The following SERPINA7 variants were observed in gnomAD, a reference collection of about 807,000 sequenced individuals.
SERPINA7 encodes serpin family A member 7, also known as thyroxine-binding globulin.
SERPINA7 carries 14 observed loss-of-function variants against 16.0 expected under a neutral mutation model. That is an observed-to-expected ratio of 0.88 (90% CI 0.58 to 1.37). SERPINA7 has a LOEUF of 1.37. Among genes scored for constraint, SERPINA7 ranks in the 40% most tolerant of loss-of-function variants. SERPINA7 has a pLI of 0.00. For missense variants in SERPINA7, 335 were observed against 296.6 expected, an observed-to-expected ratio of 1.13 and a Z score of -0.95; for synonymous variants, 140 against 111.0, an observed-to-expected ratio of 1.26 and a Z score of -1.65.
Position 106,035,270 on chromosome X carries a change from G to T in SERPINA7, c.738C>A (p.His246Gln). The change falls in exon 3 of 5, where the codon CAC becomes CAA. Residue 246 changes from histidine to glutamine, a missense_variant. His to Gln is a conservative substitution (Grantham distance 24, BLOSUM62 0). Transcript: ENST00000372563. ...TGCAGTTCAATTCCATATCCACTAG[G>T]TGATAGTATTGTTCCATCTGGTGCA... ...PMMHQMEQYY[H>Q]LVDMELNCTV... is the part of the protein sequence containing the mutation. 8.3e-7 allele frequency: 1 copy of T among 1,211,049 alleles called. No homozygotes were observed. The highest frequency in any genetic ancestry group is 1.1e-6 in the Non-Finnish European group (1 of 894,932).
rs1257909455 is a variant in SERPINA7 at position 106,033,177 on chromosome X, C to T, written c.*323G>A. ...AGACCTGACCTGCTTTTTAGCTATT[C>T]CCCAGAAGACAGAAAAGGGAAAATT... is the stretch of plus-strand genomic sequence containing the variant. On this transcript the variant is annotated 3_prime_UTR_variant, in exon 5 of 5. Transcript: ENST00000372563. 1.0e-5 allele frequency: 3 copies of T among 294,025 alleles called. No homozygotes were observed. The highest frequency in any genetic ancestry group is 2.0e-3 in the Middle Eastern group (2 of 976). 24.2% of individuals were successfully genotyped at this position (294,025 alleles called of 1,213,427 possible). A position where few individuals can be genotyped will look rare whatever the true frequency, so the allele number is the denominator to read the frequency against.
In SERPINA7 at chrX:106,036,867, C is replaced by G; in HGVS notation, c.192G>C (p.Lys64Asn). 8.3e-7 allele frequency: 1 copy of G among 1,210,863 alleles called. No homozygotes were observed. Among genetic ancestry groups the G allele is most frequent in the Non-Finnish European group, 1.1e-6 (1 of 895,082 alleles). The change falls in exon 2 of 5, where the codon AAG becomes AAC. Residue 64 changes from lysine (K) to asparagine (N), a missense_variant. Coordinates refer to ENST00000372563, the MANE Select transcript of SERPINA7 (RefSeq NM_000354.6). ...YRRFTVETPD[K>N]NIFFSPVSIS... ...TGCTCACAGGGGAAAAGAAGATGTTCTTATCTGGGGTCTCCACAGTGAACC... is the reference window on the plus strand; with the variant it reads ...TGCTCACAGGGGAAAAGAAGATGTTGTTATCTGGGGTCTCCACAGTGAACC...
At chrX:106,037,116 T>C (rs1440702093) in intron 1 of SERPINA7, 41 bp from the exon 2 acceptor site, 8 of 1,089,198 alleles carry the variant, frequency 7.3e-6, no homozygotes, top group Non-Finnish European at 1.0e-5. Context: ...GGGAGCTTAG[T>C]TGGATGAAAC....
rs1168106895 is a variant in SERPINA7, at chrX:106,037,011, A to G, written c.48T>C (p.Ala16=). ...YLVLLVLGLH[A]TIHCASPEGK... ...CTTCAGGTGATGCACAGTGGATTGT[A>G]GCATGAAGCCCAAGTACCAAGAGAA... Residue 16 remains alanine (A), a synonymous_variant, in exon 2 of 5, where the codon GCT becomes GCC. Transcript: ENST00000372563. 3 of 1,209,321 alleles carry G rather than the reference A, an allele frequency of 2.5e-6. No individual in the cohort carries two copies. Among genetic ancestry groups the G allele is most frequent in the African/African-American group, 3.5e-5 (2 of 57,613 alleles).
rs371638176 is a variant in SERPINA7, at chrX:106,034,235, A to G, written c.1044T>C (p.Asn348=). The change falls in exon 4 of 5, where the codon AAT becomes AAC. Residue 348 remains asparagine, a splice_region_variant and synonymous_variant. Coordinates refer to ENST00000372563, the MANE Select transcript of SERPINA7 (RefSeq NM_000354.6). ...LTEDNGLKLS[N]AAHKAVLHIG... is the part of the protein sequence containing the mutation. ...TAAGAACTCTAGTTTATCAACTTAC[A>G]TTGGAAAGTTTCAGACCATTGTCCT... 1.7e-5 allele frequency: 21 copies of G among 1,208,582 alleles called. No individual in the cohort carries two copies. In the Middle Eastern group the frequency reaches 1.1e-3, roughly 66 times the overall value.
intron 1 of SERPINA7, 165 bp from the exon 2 acceptor site, chrX:106,037,240 C>G: frequency 2.2e-6 from 1 of 458,566 alleles, no homozygotes; most frequent in Admixed American, 3.5e-5. Flanking sequence ...CCTTGAAAAA[C>G]AGGAGATGCA....
Position 106,033,588 on chromosome X carries a change from A to G in SERPINA7, c.1160T>C (p.Ile387Thr), listed in dbSNP as rs2147840350. Residue 387 changes from isoleucine to threonine, a missense_variant, in exon 5 of 5, where the codon ATT (isoleucine) becomes ACT (threonine). By Grantham distance (89) the Ile-to-Thr change is moderately conservative. Coordinates refer to ENST00000372563, the MANE Select transcript of SERPINA7 (RefSeq NM_000354.6). ...ENTFLHPIIQ[I>T]DRSFMLLILE... The stretch of plus-strand genomic sequence containing the variant: ...AATCAACAACATGAAAGATCTATCA[A>G]TTTGGATAATAGGGTGTAGGAAAGT... 1.7e-6 allele frequency: 2 copies of G among 1,210,906 alleles called. No homozygotes were observed. The highest frequency in any genetic ancestry group is 2.2e-6 in the Non-Finnish European group (2 of 894,774).
intron 2 of SERPINA7, 133 bp from the exon 3 acceptor site, chrX:106,035,518 A>T (rs748131531): frequency 3.9e-5 from 24 of 616,867 alleles, no homozygotes; most frequent in Non-Finnish European, 5.1e-5. Context: ...CCAGTTTTAC[A>T]AGTGACTGAG....
In SERPINA7 at chrX:106,032,493, T is replaced by C. The variant is rs1014712749; in HGVS notation, c.*1007A>G. On this transcript the variant is annotated 3_prime_UTR_variant, in exon 5 of 5. Transcript: ENST00000372563. ...GGAAGTACAACATCTGCAACAGTAC[T>C]TATGCATTTTTTTTACTATTTTCCT... 5.3e-5 allele frequency: 6 copies of C among 112,339 alleles called. No individual in the cohort carries two copies. The highest frequency in any genetic ancestry group is 1.9e-4 in the African/African-American group (6 of 30,926). 9.3% of individuals were successfully genotyped at this position (112,339 alleles called of 1,213,427 possible). A position where few individuals can be genotyped will look rare whatever the true frequency, so the allele number is the denominator to read the frequency against.
chrX:106,034,721 C>A (rs1377752849), intron 3 of SERPINA7, among the ~76,000 whole-genome samples: 2 of 111,953 alleles, frequency 1.8e-5, no homozygotes, highest in African/African-American at 3.2e-5. Flanking sequence ...TTCTGCCTTG[C>A]ACTTCCAGTA....
Position 106,033,462 on chromosome X carries a change from A to T in SERPINA7, c.*38T>A, listed in dbSNP as rs185496845. 8.4e-7 allele frequency: 1 copy of T among 1,193,706 alleles called. No individual in the cohort carries two copies. Among genetic ancestry groups the T allele is most frequent in the East Asian group, 3.0e-5 (1 of 33,652 alleles). Reference sequence around the variant, plus strand: ...ATATTATTTATTTATTTCCCATTGCAATACACACGTGCAATTAGCCAATGG... The same window carrying T: ...ATATTATTTATTTATTTCCCATTGCTATACACACGTGCAATTAGCCAATGG... On this transcript the variant is annotated 3_prime_UTR_variant, in exon 5 of 5. Transcript: ENST00000372563.
At chrX:106,034,488 G>T in intron 3 of SERPINA7, 106 bp from the exon 4 acceptor site, 1 of 714,149 alleles carries the variant, frequency 1.4e-6, no homozygotes, top group Non-Finnish European at 2.2e-6. Context: ...CTTCTTCCCT[G>T]AGTATTGATA....
intron 1 of SERPINA7, 116 bp downstream of exon 1, chrX:106,038,582 T>A (rs987105446): frequency 3.6e-5 from 4 of 111,214 alleles, no homozygotes; most frequent in Non-Finnish European, 7.5e-5. Context: ...CACTTAGACC[T>A]TCACCCCTAG....
At chrX:106,035,535 G>A in intron 2 of SERPINA7, 150 bp from the exon 3 acceptor site, 1 of 556,280 alleles carries the variant, frequency 1.8e-6, no homozygotes, top group Non-Finnish European at 2.9e-6. Context: ...TGAGGATCAG[G>A]CAGAGAAAGT....
chrX:106,036,587 C>T lies in SERPINA7; in HGVS notation c.472G>A (p.Val158Ile). Reference protein sequence around the residue: ...NDVKTLYETEVFSTDFSNISA... With the variant: ...NDVKTLYETEIFSTDFSNISA... ...ATGTTGGAGAAGTCGGTAGAAAAGA[C>T]TTCAGTCTCATAGAGGGTCTTGACA... is the stretch of plus-strand genomic sequence containing the variant. The change falls in exon 2 of 5, where the codon GTC becomes ATC. Residue 158 changes from valine to isoleucine, a missense_variant. Coordinates refer to ENST00000372563, the MANE Select transcript of SERPINA7 (RefSeq NM_000354.6). The T allele has an allele frequency of 8.3e-7, 1 of 1,211,183 alleles. No individual in the cohort carries two copies. The highest frequency in any genetic ancestry group is 1.1e-6 in the Non-Finnish European group (1 of 895,183).
rs767190744 is a variant in SERPINA7, at chrX:106,036,817, G to C, written c.242C>G (p.Ser81Cys). 5.0e-6 allele frequency: 6 copies of C among 1,211,202 alleles called. No individual in the cohort carries two copies. The highest frequency in any genetic ancestry group is 6.7e-6 in the Non-Finnish European group (6 of 895,280). The change falls in exon 2 of 5, where the codon TCC becomes TGC. Residue 81 changes from serine (S) to cysteine (C), a missense_variant. Transcript: ENST00000372563. The stretch of plus-strand genomic sequence containing the variant: ...TTGGGTGCTGCAGCAGGCCCCAAAG[G>C]AAAGCATAACCAAAGCTGCAGAAAT... ...VSISAALVML[S>C]FGACCSTQTE...
chrX:106,038,490 T>C (rs1372007205), intron 1 of SERPINA7, among the ~76,000 whole-genome samples: 1 of 111,129 alleles, frequency 9.0e-6, no homozygotes, highest in Non-Finnish European at 1.9e-5. Flanking sequence ...TTCACCACTC[T>C]ATCCAATCTC....
At chrX:106,035,508 C>T (rs2234034) in intron 2 of SERPINA7, 123 bp from the exon 3 acceptor site, 221,974 of 679,215 alleles carry the variant, frequency 0.33, 26,786 homozygotes, top group Middle Eastern at 0.43. Flanking sequence ...CTACAGTCAA[C>T]CAGTTTTACA....
chrX:106,035,864 A>G (rs1345450169), intron 2 of SERPINA7, among the ~76,000 whole-genome samples: 8 of 112,356 alleles, frequency 7.1e-5, no homozygotes, highest in Non-Finnish European at 1.5e-4. Flanking sequence ...AAATAGTCAC[A>G]TGATTCTTGT....
Sources: allele counts gnomAD v4.1 joint callset (sites outside exome capture counted in the v4.1 genomes callset), GRCh38; gene constraint gnomAD v4.1.1; transcripts MANE v1.5; gene names NCBI Gene and HGNC (gene_info 2026-07-23, HGNC 2026-07-21).